ETNPPL: variants seen among roughly 807,000 people sequenced by gnomAD.
ETNPPL encodes the protein alanine--glyoxylate aminotransferase 2-like 1.
Under a neutral mutation model 55.5 loss-of-function variants are expected in ETNPPL, and 30 were observed. That is an observed-to-expected ratio of 0.54 (90% confidence interval 0.40 to 0.73). The LOEUF is 0.73. ETNPPL is among the 30% of genes least tolerant of loss of function. The pLI is 0.00. For synonymous variants in ETNPPL, 202 were observed against 207.2 expected, an observed-to-expected ratio of 0.98 and a Z score of 0.21; for missense variants, 528 against 607.9, an observed-to-expected ratio of 0.87 and a Z score of 1.38.
intron 5 of ETNPPL, among the ~76,000 whole-genome samples, chr4:108,754,139 A>C (rs1318101979): frequency 6.6e-6 from 1 of 151,532 alleles, no homozygotes; most frequent in Admixed American, 6.6e-5. Context: ...ACACCTGGCT[A>C]ATTTTTGTAC....
At chr4:108,747,959 T>C (rs775178627) in intron 9 of ETNPPL, 46 bp downstream of exon 9, 16 of 1,515,128 alleles carry the variant, frequency 1.1e-5, no homozygotes, top group Middle Eastern at 2.1e-4. Context: ...CTATTATTAT[T>C]TTGAAAAAAA....
chr4:108,753,781 AAAGAAAGAAAGAAAGAAAG>A (rs536384823), intron 5 of ETNPPL, among the ~76,000 whole-genome samples: 2,647 of 131,446 alleles, frequency 0.02, 62 homozygotes, highest in South Asian at 0.076. Context: ...AGAAAGAAAG[AAAGAAAGAAAGAAAGAAAG>A]AAAGAAAAGA....
chr4:108,762,626 G>T, intron 1 of ETNPPL: 1 of 654,608 alleles, frequency 1.5e-6, no homozygotes, highest in Non-Finnish European at 2.8e-6. Flanking sequence ...GGGGACTTTC[G>T]AGCGGGCAGG....
chr4:108,760,522 A>T (rs1729465491), intron 1 of ETNPPL, among the ~76,000 whole-genome samples: 2 of 152,172 alleles, frequency 1.3e-5, no homozygotes, highest in African/African-American at 4.8e-5. Context: ...TATGCTTGTT[A>T]TATTAAATAT....
chr4:108,743,598 A>G (rs1229442878), intron 12 of ETNPPL, among the ~76,000 whole-genome samples, 191 bp downstream of exon 12: 1 of 152,168 alleles, frequency 6.6e-6, no homozygotes, highest in East Asian at 1.9e-4. Flanking sequence ...TTGGCTTTTG[A>G]TGCGTCAAAT....
In ETNPPL at chr4:108,759,885, C is replaced by T; in HGVS notation, c.199G>A (p.Val67Ile). 1 of 1,614,110 alleles carries T rather than the reference C, an allele frequency of 6.2e-7. No individual in the cohort carries two copies. Among genetic ancestry groups the T allele is most frequent in the East Asian group, 2.2e-5 (1 of 44,878 alleles). Reference sequence around the variant, plus strand: ...TCCATCTGTTTCAGGGCAGCTTTGACCACTCCTGGGTGACAGTGTCCCACT... The same window carrying T: ...TCCATCTGTTTCAGGGCAGCTTTGATCACTCCTGGGTGACAGTGTCCCACT... ...AHVGHCHPGV[V>I]KAALKQMELL... is the part of the protein sequence containing the mutation. Residue 67 changes from valine (V) to isoleucine (I), a missense_variant, in exon 3 of 13, where the codon GTC (valine) becomes ATC (isoleucine). Physicochemically the swap from Val to Ile is conservative, Grantham distance 29. Coordinates refer to ENST00000296486, the MANE Select transcript of ETNPPL (RefSeq NM_031279.4).
In ETNPPL at chr4:108,749,274, T is replaced by A. The variant is rs757723019; in HGVS notation, c.891A>T (p.Glu297Asp). The A allele has an allele frequency of 1.2e-6, 2 of 1,614,154 alleles. No individual in the cohort carries two copies. Among genetic ancestry groups the A allele is most frequent in the Non-Finnish European group, 1.7e-6 (2 of 1,179,990 alleles). Reference protein sequence around the residue: ...ACVVTTKEIAEAFSSSGMEYF... With the variant: ...ACVVTTKEIADAFSSSGMEYF... ...ATTCCATCCCAGAGCTGCTGAAGGC[T>A]TCTGCAATTTCTTTGGTTGTTACCA... The change falls in exon 8 of 13, where the codon GAA becomes GAT. Residue 297 changes from glutamate to aspartate, a missense_variant. Glu to Asp is a conservative substitution (Grantham distance 45). Coordinates refer to ENST00000296486, the MANE Select transcript of ETNPPL (RefSeq NM_031279.4).
intron 2 of ETNPPL, 63 bp downstream of exon 2, chr4:108,760,125 G>T: frequency 7.9e-7 from 1 of 1,265,732 alleles, no homozygotes; most frequent in Non-Finnish European, 1.1e-6. Flanking sequence ...AAAATTAAGT[G>T]TTCCAAGTCA....
In ETNPPL at chr4:108,756,453, C is replaced by T; in HGVS notation, c.375G>A (p.Gln125=). 6.2e-7 allele frequency: 1 copy of T among 1,614,140 alleles called. No individual in the cohort carries two copies. The highest frequency in any genetic ancestry group is 8.5e-7 in the Non-Finnish European group (1 of 1,179,962). The change falls in exon 4 of 13, where the codon CAG becomes CAA. Residue 125 remains glutamine, a synonymous_variant. Coordinates refer to ENST00000296486, the MANE Select transcript of ETNPPL (RefSeq NM_031279.4). ...TGATCACATCCTGGTGGCCTCTGAA[C>T]TGCCGAGCCAGGCGTAAGGCTAAGT... ...ANDLALRLAR[Q]FRGHQDVITL...
chr4:108,742,622 A>T lies in ETNPPL; in HGVS notation c.1372-10T>A. ...GGGCTTCTTTCAGCATCTGCAAGAC[A>T]GGCACACAAAGCTCCAGTGGGCATC... On this transcript the variant is annotated splice_polypyrimidine_tract_variant and intron_variant, in intron 12 of 12. Coordinates refer to ENST00000296486, the MANE Select transcript of ETNPPL (RefSeq NM_031279.4). 6.2e-7 allele frequency: 1 copy of T among 1,613,596 alleles called. No homozygotes were observed.
chr4:108,747,876 G>A, intron 9 of ETNPPL, 129 bp downstream of exon 9: 1 of 692,738 alleles, frequency 1.4e-6, no homozygotes, highest in South Asian at 1.9e-5. Flanking sequence ...CTATTTGTGT[G>A]TGCCACCACA....
intron 1 of ETNPPL, among the ~76,000 whole-genome samples, chr4:108,760,911 C>T (rs1417414645): frequency 6.6e-6 from 1 of 152,128 alleles, no homozygotes; most frequent in Non-Finnish European, 1.5e-5. Flanking sequence ...TGTATAAAGA[C>T]ATGAATAGCA....
At chr4:108,755,920 A>G (rs977345255) in intron 4 of ETNPPL, among the ~76,000 whole-genome samples, 1 of 152,248 alleles carries the variant, frequency 6.6e-6, no homozygotes, top group Non-Finnish European at 1.5e-5. Context: ...AAGATTAGAT[A>G]GTGACTGTTA....
intron 1 of ETNPPL, 115 bp downstream of exon 1, chr4:108,762,728 G>A (rs1344088562): frequency 4.6e-6 from 6 of 1,294,504 alleles, no homozygotes; most frequent in Non-Finnish European, 6.7e-6. Context: ...AGGCGCGGCG[G>A]GCACGGAGTG....
chr4:108,748,299 A>G, intron 8 of ETNPPL, 140 bp from the exon 9 acceptor site: 1 of 584,316 alleles, frequency 1.7e-6, no homozygotes, highest in Non-Finnish European at 2.9e-6. Flanking sequence ...TTAGTTTCTC[A>G]TATTTAGAAT....
chr4:108,750,108 T>C (rs1236833708), intron 7 of ETNPPL, among the ~76,000 whole-genome samples: 1 of 152,152 alleles, frequency 6.6e-6, no homozygotes, highest in Non-Finnish European at 1.5e-5. Context: ...TGGGAAGGCT[T>C]GTGTAATGGT....
Position 108,748,097 on chromosome 4 carries a change from T to A in ETNPPL, c.990A>T (p.Glu330Asp). 1 of 1,612,028 alleles carries A rather than the reference T, an allele frequency of 6.2e-7. No individual in the cohort carries two copies. Among genetic ancestry groups the A allele is most frequent in the Non-Finnish European group, 8.5e-7 (1 of 1,179,104 alleles). The part of the protein sequence containing the change: ...GLAVLDIIEN[E>D]DLQGNAKRVG... ...CTCTCTTGGCATTTCCTTGAAGGTC[T>A]TCATTTTCAATTATATCCAGGACAG... The change falls in exon 9 of 13, where the codon GAA (glutamate) becomes GAT (aspartate). Residue 330 changes from glutamate to aspartate, a missense_variant. By Grantham distance (45) the Glu-to-Asp change is conservative (BLOSUM62 2). Coordinates refer to ENST00000296486, the MANE Select transcript of ETNPPL (RefSeq NM_031279.4).
chr4:108,746,651 T>TC, intron 10 of ETNPPL, 111 bp downstream of exon 10: 1 of 1,462,162 alleles, frequency 6.8e-7, no homozygotes, highest in Non-Finnish European at 9.5e-7. Context: ...ATAAATAGGA[T>TC]GTATTTAAAC....
rs70949043 is a variant in ETNPPL, at chr4:108,753,807, A to AG, written c.502-797_502-796insC. On this transcript the variant is annotated intron_variant, in intron 5 of 12. Coordinates refer to ENST00000296486, the MANE Select transcript of ETNPPL (RefSeq NM_031279.4). ...AAGAAAGAAAGAAAGAAAGAAAGAA[A>AG]AGAGAAGAAAAGAAAAGAAAAAAAG... Among the ~76,000 whole-genome samples, 121 of 136,592 alleles carry AG rather than the reference A, an allele frequency of 8.9e-4. 3 individuals are homozygous for AG. Among genetic ancestry groups the AG allele is most frequent in the Admixed American group, 5.0e-3 (70 of 14,080 alleles). 89.6% of individuals were successfully genotyped at this position (136,592 alleles called of 152,430 possible).
Sources: allele counts gnomAD v4.1 joint callset (sites outside exome capture counted in the v4.1 genomes callset), GRCh38; gene constraint gnomAD v4.1.1; transcripts MANE v1.5; gene names NCBI Gene and HGNC (gene_info 2026-07-23, HGNC 2026-07-21).